LARGE1: variants seen among roughly 807,000 people sequenced by gnomAD.
LARGE1 encodes the protein xylosyl- and glucuronyltransferase LARGE1.
LARGE1 carries 43 observed loss-of-function variants against 87.6 expected under a neutral mutation model. The ratio of observed to expected loss-of-function variants is 0.49; its 90% CI spans 0.38 to 0.63. LARGE1 has a LOEUF of 0.63. LARGE1 is among the 30% of genes least tolerant of loss of function. LARGE1 has a pLI of 0.00. For missense variants in LARGE1, 802 were observed against 1,000.2 expected, an observed-to-expected ratio of 0.80 and a Z score of 2.67; for synonymous variants, 434 against 394.6, an observed-to-expected ratio of 1.10 and a Z score of -1.18.
Position 33,635,462 on chromosome 22 carries a change from G to T in LARGE1, c.409-9136C>A, listed in dbSNP as rs142577453. Among the ~76,000 whole-genome samples the T allele has an allele frequency of 2.0e-3, 305 of 152,248 alleles. 1 individual carries two copies. Among genetic ancestry groups the T allele is most frequent in the African/African-American group, 6.9e-3 (285 of 41,540 alleles). On this transcript the variant is annotated intron_variant, in intron 3 of 14. Coordinates refer to ENST00000397394, the MANE Select transcript of LARGE1 (RefSeq NM_133642.5). ...GTTGTCCTTACTGGAGTCAAAAGGG[G>T]TCCAGTATGACACAGTTGTGCCAGC...
chr22:33,222,908 A>G (rs1925527221), intron 11 of LARGE1, among the ~76,000 whole-genome samples: 1 of 152,158 alleles, frequency 6.6e-6, no homozygotes, highest in Non-Finnish European at 1.5e-5. Context: ...AGGGAGCAAC[A>G]TGACTTAAAC....
the LARGE1 span, among the ~76,000 whole-genome samples, chr22:33,073,267 A>C: frequency 6.6e-6 from 1 of 152,210 alleles, no homozygotes; most frequent in Non-Finnish European, 1.5e-5. Context: ...TCTTTAGTAC[A>C]ATAAAGGGTC....
intron 6 of LARGE1, among the ~76,000 whole-genome samples, chr22:33,499,321 C>G (rs5754578): frequency 6.6e-6 from 1 of 152,236 alleles, no homozygotes; most frequent in African/African-American, 2.4e-5. Context: ...TTAGATGGGA[C>G]TGACCTCATC....
At chr22:33,114,153 G>T in the LARGE1 span, among the ~76,000 whole-genome samples, 3 of 151,970 alleles carry the variant, frequency 2.0e-5, no homozygotes, top group Non-Finnish European at 4.4e-5. Flanking sequence ...TGGGATTACA[G>T]GCGTGAGCCA....
chr22:33,893,624 C>A (rs2065060033), intron 1 of LARGE1, among the ~76,000 whole-genome samples: 1 of 152,172 alleles, frequency 6.6e-6, no homozygotes, highest in African/African-American at 2.4e-5. Context: ...CCGAAGTGAC[C>A]TTAAGACTTC....
intron 2 of LARGE1, among the ~76,000 whole-genome samples, chr22:33,700,884 AC>A (rs2082387255): frequency 6.6e-6 from 1 of 152,176 alleles, no homozygotes; most frequent in East Asian, 1.9e-4. Context: ...GGCATGAGAG[AC>A]CTGGAGGGAC....
chr22:33,104,912 T>TTTCC, the LARGE1 span, among the ~76,000 whole-genome samples: 1 of 67,088 alleles, frequency 1.5e-5, no homozygotes, highest in Non-Finnish European at 3.9e-5. Context: ...TCTTTCTTTC[T>TTTCC]TTCTTTCTTT....
chr22:33,219,933 T>A (rs888581039), intron 11 of LARGE1, among the ~76,000 whole-genome samples: 4 of 151,388 alleles, frequency 2.6e-5, no homozygotes, highest in African/African-American at 7.3e-5. Flanking sequence ...CCTGGAATCC[T>A]CCCCTCACAC....
chr22:33,748,427 A>C (rs905381371), intron 2 of LARGE1, among the ~76,000 whole-genome samples: 1 of 151,666 alleles, frequency 6.6e-6, no homozygotes, highest in South Asian at 2.1e-4. Context: ...AACTCTGTTG[A>C]CTCCTTGAGC....
chr22:33,263,082 C>T (rs933375820), intron 11 of LARGE1, among the ~76,000 whole-genome samples: 5 of 152,010 alleles, frequency 3.3e-5, no homozygotes, highest in Admixed American at 6.6e-5. Flanking sequence ...TTAGTCGAGA[C>T]GAGGTTTCAC....
At chr22:33,402,153 T>C (rs1308959573) in intron 7 of LARGE1, among the ~76,000 whole-genome samples, 2 of 152,138 alleles carry the variant, frequency 1.3e-5, no homozygotes, top group Non-Finnish European at 2.9e-5. Context: ...ATACAGCTGG[T>C]GAGTGGCAGA....
intron 10 of LARGE1, among the ~76,000 whole-genome samples, chr22:33,318,484 C>A (rs560785748): frequency 6.6e-6 from 1 of 152,064 alleles, no homozygotes; most frequent in African/African-American, 2.4e-5. Flanking sequence ...TGTATATGTG[C>A]CACATTTTCT....
chr22:33,171,888 C>T (rs1256586781), intron 11 of LARGE1, among the ~76,000 whole-genome samples: 1 of 152,178 alleles, frequency 6.6e-6, no homozygotes, highest in Non-Finnish European at 1.5e-5. Flanking sequence ...CATTGTCCTC[C>T]AGACCCCAGA....
intron 1 of LARGE1, among the ~76,000 whole-genome samples, chr22:33,821,616 G>C (rs1318359616): frequency 6.6e-6 from 1 of 152,214 alleles, no homozygotes; most frequent in African/African-American, 2.4e-5. Context: ...AAGGGGAACA[G>C]AGTGGAGGTA....
chr22:33,293,016 G>C (rs1932809765), intron 12 of LARGE1, among the ~76,000 whole-genome samples: 1 of 152,188 alleles, frequency 6.6e-6, no homozygotes, highest in Admixed American at 6.5e-5. Flanking sequence ...ATATAACTTT[G>C]TCCATGCATA....
chr22:33,332,135 G>A (rs113275189), intron 10 of LARGE1, among the ~76,000 whole-genome samples: 1 of 152,092 alleles, frequency 6.6e-6, no homozygotes, highest in East Asian at 1.9e-4. Flanking sequence ...GATATGGTTT[G>A]GCTGTGTCCC....
intron 10 of LARGE1, among the ~76,000 whole-genome samples, chr22:33,317,824 T>C (rs1423958732): frequency 1.3e-5 from 2 of 150,862 alleles, no homozygotes; most frequent in African/African-American, 4.9e-5. Context: ...GGTGGGGGAG[T>C]GAAGCCTGGG....
At chr22:33,845,219 T>C (rs957228125) in intron 1 of LARGE1, among the ~76,000 whole-genome samples, 21 of 152,164 alleles carry the variant, frequency 1.4e-4, no homozygotes, top group Admixed American at 1.4e-3. Context: ...GTTCATGGAA[T>C]GATATTAGGG....
At chr22:33,818,498 A>G (rs1177719889) in intron 1 of LARGE1, among the ~76,000 whole-genome samples, 1 of 152,208 alleles carries the variant, frequency 6.6e-6, no homozygotes, top group Non-Finnish European at 1.5e-5. Flanking sequence ...ACCAGCTTGT[A>G]ACTGACCTGA....
Sources: gnomAD v4.1 joint callset for allele counts (sites outside exome capture counted in the v4.1 genomes callset) on GRCh38, gnomAD v4.1.1 for gene constraint, MANE v1.5 for transcripts, NCBI Gene and HGNC (gene_info 2026-07-23, HGNC 2026-07-21) for gene names.